The following SHB variants were observed in gnomAD, a reference collection of about 807,000 sequenced individuals.
The protein encoded by SHB is SH2 domain containing adaptor protein B, also known as SH2 domain-containing adapter protein B.
In SHB, 20 loss-of-function variants were observed where a neutral mutation model predicts 52.3. The observed-to-expected ratio is 0.38, with a 90% confidence interval of 0.27 to 0.56. SHB has a LOEUF of 0.56. Among genes scored for constraint, SHB ranks in the 20% least tolerant of loss-of-function variants. The probability of loss-of-function intolerance (pLI) is 0.71; values close to 1 mark genes in which losing one functional copy is unlikely to be tolerated. For missense variants in SHB, 825 were observed against 723.3 expected (o/e 1.14, Z -1.61); for synonymous variants, 397 against 316.5 (o/e 1.25, Z -2.70).
At chr9:37,932,309 T>A (rs1832321569) in intron 5 of SHB, among the ~76,000 whole-genome samples, 1 of 149,010 alleles carries the variant, frequency 6.7e-6, no homozygotes, top group African/African-American at 2.5e-5. Context: ...AGAAAAATAT[T>A]GTATGATTGA....
At chr9:37,948,871 G>A in intron 4 of SHB, 117 bp from the exon 5 acceptor site, 1 of 1,352,782 alleles carries the variant, frequency 7.4e-7, no homozygotes, top group South Asian at 1.3e-5. Context: ...GGCATGCACT[G>A]GTTCATTCCA....
chr9:38,059,673 G>T (rs1821867130), intron 1 of SHB, among the ~76,000 whole-genome samples: 1 of 152,196 alleles, frequency 6.6e-6, no homozygotes, highest in African/African-American at 2.4e-5. Flanking sequence ...AACACGGGAA[G>T]AAGCGGAAAT....
intron 2 of SHB, among the ~76,000 whole-genome samples, chr9:38,005,777 G>A (rs146889577): frequency 9.1e-4 from 139 of 152,240 alleles, no homozygotes; most frequent in African/African-American, 3.2e-3. Flanking sequence ...GGCAAATCAC[G>A]GAATCTCCTC....
At chr9:38,042,511 C>G (rs1325731538) in intron 1 of SHB, among the ~76,000 whole-genome samples, 1 of 152,210 alleles carries the variant, frequency 6.6e-6, no homozygotes, top group Non-Finnish European at 1.5e-5. Context: ...AGTCTCTCTG[C>G]CTCCTGGGGC....
chr9:37,919,974 C>A lies in SHB; in HGVS notation c.1377G>T (p.Leu459=). 6.2e-7 allele frequency: 1 copy of A among 1,614,154 alleles called. No homozygotes were observed. The highest frequency in any genetic ancestry group is 8.5e-7 in the Non-Finnish European group (1 of 1,180,002). Residue 459 remains leucine, a synonymous_variant, in exon 6 of 6, where the codon CTG becomes CTT. Transcript: ENST00000377707. The part of the protein sequence containing the change: ...RSNQGFMHMK[L]AKTKEKYVLG... ...GAACGTATTTCTCTTTGGTTTTGGC[C>A]AGTTTCATGTGCATAAAACCCTGGT...
chr9:37,929,737 G>A (rs1236778428), intron 5 of SHB, among the ~76,000 whole-genome samples: 4 of 152,224 alleles, frequency 2.6e-5, no homozygotes, highest in Non-Finnish European at 4.4e-5. Flanking sequence ...CCCTGAGATC[G>A]ATTTCCTGAA....
rs773825542 is a variant in SHB, at chr9:38,068,416, G to A, written c.230C>T (p.Thr77Ile). ...SGSLPDDSGS[T>I]SDLIRAYRAQ... ...GCGGTAGGCGCGGATGAGGTCGCTG[G>A]TGCTGCCGCTGTCGTCGGGCAGCGA... The change falls in exon 1 of 6, where the codon ACC becomes ATC. Residue 77 changes from threonine (T) to isoleucine (I), a missense_variant. Physicochemically the swap from Thr to Ile is moderately conservative, Grantham distance 89. Transcript: ENST00000377707. 6.4e-7 allele frequency: 1 copy of A among 1,569,002 alleles called. No homozygotes were observed. Among genetic ancestry groups the A allele is most frequent in the Admixed American group, 1.8e-5 (1 of 55,602 alleles).
intron 1 of SHB, among the ~76,000 whole-genome samples, chr9:38,047,468 G>C (rs1821671363): frequency 6.6e-6 from 1 of 152,252 alleles, no homozygotes; most frequent in African/African-American, 2.4e-5. Context: ...CACCTGTCCT[G>C]TGTGAGGAAT....
chr9:38,017,614 A>G (rs1225324820), intron 1 of SHB, among the ~76,000 whole-genome samples: 2 of 152,224 alleles, frequency 1.3e-5, no homozygotes, highest in African/African-American at 4.8e-5. Flanking sequence ...AGAGAAGCTC[A>G]TCAGTGAAGA....
At chr9:38,063,580 G>A (rs962201872) in intron 1 of SHB, among the ~76,000 whole-genome samples, 13 of 152,228 alleles carry the variant, frequency 8.5e-5, no homozygotes, top group African/African-American at 3.1e-4. Flanking sequence ...TGGCTTCCCA[G>A]CCAAGTTCAG....
intron 2 of SHB, among the ~76,000 whole-genome samples, chr9:37,985,255 G>C (rs919971361): frequency 1.3e-5 from 2 of 152,224 alleles, no homozygotes; most frequent in African/African-American, 2.4e-5. Flanking sequence ...TGGAGTCAGG[G>C]TGCCTGGGTT....
At chr9:37,947,777 T>C (rs977031804) in intron 5 of SHB, among the ~76,000 whole-genome samples, 2 of 152,236 alleles carry the variant, frequency 1.3e-5, no homozygotes, top group Non-Finnish European at 2.9e-5. Context: ...CCATGGCCTC[T>C]AACAGCGGTA....
Position 38,069,125 on chromosome 9 carries a change from G to A in SHB, c.-480C>T, listed in dbSNP as rs1049440480. On this transcript the variant is annotated 5_prime_UTR_variant, in exon 1 of 6. Transcript: ENST00000377707. Reference sequence around the variant, plus strand: ...GGGAGAGCTCGGCCCCGCAGCGGAGGAGAATGCGGCCGGGAGAGACAGCGA... The same window carrying A: ...GGGAGAGCTCGGCCCCGCAGCGGAGAAGAATGCGGCCGGGAGAGACAGCGA... 9 of 151,690 alleles carry A rather than the reference G, an allele frequency of 5.9e-5. No homozygotes were observed. The highest frequency in any genetic ancestry group is 2.1e-4 in the South Asian group (1 of 4,858). The allele number at this position is 151,690 out of a possible 1,614,324, so 9.4% of individuals were successfully genotyped here.
rs547216274 is a variant in SHB at position 38,028,126 on chromosome 9, C to T, written c.718-11995G>A. 8.5e-5 allele frequency among the ~76,000 whole-genome samples: 13 copies of T among 152,136 alleles called. No homozygotes were observed. The South Asian group carries it at 2.3e-3, about 27-fold the overall frequency. On this transcript the variant is annotated intron_variant, in intron 1 of 5. Transcript: ENST00000377707. ...CTCCCTAGTGCAGGCTGCCTCCCCT[C>T]CCAAAGCCCAAGTATCATTTTCTCC...
At chr9:38,037,616 T>G (rs907361945) in intron 1 of SHB, among the ~76,000 whole-genome samples, 7 of 152,142 alleles carry the variant, frequency 4.6e-5, no homozygotes, top group African/African-American at 1.7e-4. Flanking sequence ...AGAACCCACC[T>G]CAGTGCTTGG....
intron 5 of SHB, among the ~76,000 whole-genome samples, chr9:37,941,327 A>G (rs980037234): frequency 2.0e-5 from 3 of 152,214 alleles, no homozygotes; most frequent in African/African-American, 7.2e-5. Flanking sequence ...AGCACTTCAC[A>G]TATATTGTGT....
chr9:37,986,955 G>A lies in SHB; in HGVS notation c.839-12118C>T, dbSNP rs546904978. 6.6e-5 allele frequency among the ~76,000 whole-genome samples: 10 copies of A among 152,332 alleles called. No homozygotes were observed. In the South Asian group the frequency reaches 1.0e-3, roughly 16 times the overall value. On this transcript the variant is annotated intron_variant, in intron 2 of 5. Coordinates refer to ENST00000377707, the MANE Select transcript of SHB (RefSeq NM_003028.3). ...TCTTCCAGTCTGCTGGGCACGGTGC[G>A]GTCTCTGCCTCCAGAGAGGCCTGGG...
intron 1 of SHB, among the ~76,000 whole-genome samples, chr9:38,019,176 A>G (rs7033928): frequency 1.7e-3 from 261 of 152,342 alleles, no homozygotes; most frequent in African/African-American, 6.1e-3. Flanking sequence ...TCAGTGAGCC[A>G]CGTCATCTTT....
intron 2 of SHB, among the ~76,000 whole-genome samples, chr9:38,000,254 C>T (rs1418640312): frequency 1.3e-5 from 2 of 152,218 alleles, no homozygotes; most frequent in Non-Finnish European, 2.9e-5. Context: ...CAGGCCTAAG[C>T]TCTTTGCTAA....
Sources: gnomAD v4.1 joint callset for allele counts (sites outside exome capture counted in the v4.1 genomes callset) on GRCh38, gnomAD v4.1.1 for gene constraint, MANE v1.5 for transcripts, NCBI Gene and HGNC (gene_info 2026-07-23, HGNC 2026-07-21) for gene names.